The following PNPLA3 variants were observed in gnomAD, a reference collection of about 807,000 sequenced individuals.
The protein encoded by PNPLA3 is patatin like domain 3, 1-acylglycerol-3-phosphate O-acyltransferase, also known as 1-acylglycerol-3-phosphate O-acyltransferase PNPLA3.
A neutral mutation model predicts 43.1 loss-of-function variants in PNPLA3; 42 were observed. The ratio of observed to expected loss-of-function variants is 0.97; its 90% CI spans 0.76 to 1.26. PNPLA3 has a LOEUF of 1.26. Ranked by LOEUF, PNPLA3 falls within the 50% of genes most tolerant of loss-of-function variation. The pLI is 0.00. For missense variants in PNPLA3, 647 were observed against 621.4 expected, an observed-to-expected ratio of 1.04 and a Z score of -0.44; for synonymous variants, 272 against 253.6, an observed-to-expected ratio of 1.07 and a Z score of -0.69.
chr22:43,935,885 G>T (rs929332462), intron 5 of PNPLA3, among the ~76,000 whole-genome samples: 3 of 152,164 alleles, frequency 2.0e-5, no homozygotes, highest in Non-Finnish European at 4.4e-5. Context: ...CCCCCTGGAT[G>T]CGGGACAGGA....
At chr22:43,934,265 C>T (rs1458899536) in intron 4 of PNPLA3, among the ~76,000 whole-genome samples, 6 of 149,852 alleles carry the variant, frequency 4.0e-5, no homozygotes, top group Non-Finnish European at 7.4e-5. Flanking sequence ...GGCCGTTAGC[C>T]GAGATCACGC....
Position 43,927,030 on chromosome 22 carries a change from C to A in PNPLA3, c.283C>A (p.Arg95=). 1 of 1,614,214 alleles carries A rather than the reference C, an allele frequency of 6.2e-7. No individual in the cohort carries two copies. The highest frequency in any genetic ancestry group is 8.5e-7 in the Non-Finnish European group (1 of 1,180,040). The change falls in exon 2 of 9, where the codon CGA becomes AGA. Residue 95 remains arginine (R), a synonymous_variant. Coordinates refer to ENST00000216180, the MANE Select transcript of PNPLA3 (RefSeq NM_025225.3). ...HPSFNLSKFL[R]QGLCKCLPAN... is the part of the protein sequence containing the mutation. ...ATCCTTCAACTTAAGCAAGTTCCTC[C>A]GACAGGGTCTCTGCAAATGCCTCCC...
At chr22:43,936,150 G>A (rs1021251435) in intron 5 of PNPLA3, among the ~76,000 whole-genome samples, 4 of 152,166 alleles carry the variant, frequency 2.6e-5, no homozygotes, top group African/African-American at 9.7e-5. Flanking sequence ...GAGCCGGTAT[G>A]GCAGGAAGAG....
intron 7 of PNPLA3, among the ~76,000 whole-genome samples, chr22:43,942,680 T>C (rs189530213): frequency 6.6e-6 from 1 of 151,068 alleles, no homozygotes; most frequent in African/African-American, 2.4e-5. Flanking sequence ...CTGTTATTCC[T>C]TCCCTTCCAT....
At chr22:43,944,643 T>C in intron 7 of PNPLA3, 48 bp from the exon 8 acceptor site, 3 of 1,476,074 alleles carry the variant, frequency 2.0e-6, no homozygotes, top group Middle Eastern at 1.7e-4. Flanking sequence ...TTGTAAGCTG[T>C]TGTGTCTGCC....
Position 43,923,899 on chromosome 22 carries a change from C to A in PNPLA3, c.-13C>A. 1.4e-6 allele frequency: 2 copies of A among 1,478,252 alleles called. No homozygotes were observed. The highest frequency in any genetic ancestry group is 1.8e-6 in the Non-Finnish European group (2 of 1,118,954). The allele number at this position is 1,478,252 out of a possible 1,614,324, so 91.6% of individuals were successfully genotyped here. A position where few individuals can be genotyped will look rare whatever the true frequency, so the allele number is the denominator to read the frequency against. Reference sequence around the variant, plus strand: ...CAGATCCTAACCCGCGCCCCCGCCCCGCCGCCGCCGCCATGTACGACGCAG... The same window carrying A: ...CAGATCCTAACCCGCGCCCCCGCCCAGCCGCCGCCGCCATGTACGACGCAG... On this transcript the variant is annotated 5_prime_UTR_variant, in exon 1 of 9. Transcript: ENST00000216180.
At position 43,923,947 on chromosome 22, in the gene PNPLA3, C is replaced by T. The variant is rs1406322562; in HGVS notation, c.36C>T (p.Phe12=). 2 of 1,581,080 alleles carry T rather than the reference C, an allele frequency of 1.3e-6. No individual in the cohort carries two copies. Among genetic ancestry groups the T allele is most frequent in the Non-Finnish European group, 8.5e-7 (1 of 1,172,136 alleles). The change falls in exon 1 of 9, where the codon TTC becomes TTT. Residue 12 remains phenylalanine (F), a synonymous_variant. Coordinates refer to ENST00000216180, the MANE Select transcript of PNPLA3 (RefSeq NM_025225.3). ...CAGAGCGCGGCTGGAGCTTGTCCTTCGCGGGCTGCGGCTTCCTGGGCTTCT... is the reference window on the plus strand; with the variant it reads ...CAGAGCGCGGCTGGAGCTTGTCCTTTGCGGGCTGCGGCTTCCTGGGCTTCT... The part of the protein sequence containing the change: ...YDAERGWSLS[F]AGCGFLGFYH...
intron 7 of PNPLA3, among the ~76,000 whole-genome samples, chr22:43,941,309 T>TTTCCTCTGACTGGGC (rs2050029530): frequency 7.4e-6 from 1 of 135,218 alleles, no homozygotes; most frequent in Non-Finnish European, 1.6e-5. Context: ...TCTGATTGGG[T>TTTCCTCTGACTGGGC]TTCCTCTGAT....
chr22:43,935,648 G>A (rs1171688167), intron 5 of PNPLA3, among the ~76,000 whole-genome samples: 1 of 151,910 alleles, frequency 6.6e-6, no homozygotes, highest in African/African-American at 2.4e-5. Flanking sequence ...TGGCATGAAG[G>A]CCTGTGCAAC....
intron 6 of PNPLA3, among the ~76,000 whole-genome samples, chr22:43,938,065 C>T (rs2401512): frequency 6.6e-6 from 1 of 151,996 alleles, no homozygotes; most frequent in Non-Finnish European, 1.5e-5. Flanking sequence ...TATGAAGAAG[C>T]AGGCCCTCAC....
At chr22:43,924,211 G>C (rs111617448) in intron 1 of PNPLA3, 113 bp downstream of exon 1, 1 of 1,230,070 alleles carries the variant, frequency 8.1e-7, no homozygotes, top group East Asian at 3.2e-5. Flanking sequence ...ATCGGACGCG[G>C]ACACGGCGGG....
At chr22:43,927,220 T>C in intron 2 of PNPLA3, 53 bp downstream of exon 2, 1 of 1,533,818 alleles carries the variant, frequency 6.5e-7, no homozygotes, top group Non-Finnish European at 9.0e-7. Flanking sequence ...TGTTTTGGGA[T>C]GGGTGTGGTG....
At position 43,946,341 on chromosome 22, in the gene PNPLA3, C is replaced by T; in HGVS notation, c.1405C>T (p.Leu469Phe). The change falls in exon 9 of 9, where the codon CTC becomes TTC. Residue 469 changes from leucine (L) to phenylalanine (F), a missense_variant. Coordinates refer to ENST00000216180, the MANE Select transcript of PNPLA3 (RefSeq NM_025225.3). ...GNKVPAGAEG[L>F]STFPSFSLEK... ...TAAAGTACCTGCTGGTGCTGAGGGG[C>T]TCTCCACCTTTCCCAGTTTTTCACT... is the stretch of plus-strand genomic sequence containing the variant. 1 of 1,614,220 alleles carries T rather than the reference C, an allele frequency of 6.2e-7. No homozygotes were observed.
chr22:43,932,769 C>A, intron 3 of PNPLA3, 109 bp from the exon 4 acceptor site: 1 of 926,866 alleles, frequency 1.1e-6, no homozygotes, highest in Non-Finnish European at 1.7e-6. Flanking sequence ...TCCATATCAG[C>A]CTGTTTGTGG....
At chr22:43,945,141 G>A (rs1490567048) in intron 8 of PNPLA3, among the ~76,000 whole-genome samples, 1 of 152,196 alleles carries the variant, frequency 6.6e-6, no homozygotes, top group South Asian at 2.1e-4. Context: ...GTCAGATAGC[G>A]CTGGCGTGTC....
Position 43,940,083 on chromosome 22 carries a change from C to A in PNPLA3, c.1070C>A (p.Pro357His), listed in dbSNP as rs765749635. The part of the protein sequence containing the change: ...PIRIMSYVML[P>H]CTLPVESAIA... ...AGGATAATGTCTTATGTAATGCTGC[C>A]CTGTACCCTGCCTGTGGAATCTGCC... The change falls in exon 7 of 9, where the codon CCC becomes CAC. Residue 357 changes from proline to histidine, a missense_variant. Pro to His is a moderately conservative substitution (Grantham distance 77). Coordinates refer to ENST00000216180, the MANE Select transcript of PNPLA3 (RefSeq NM_025225.3). The A allele has an allele frequency of 2.5e-6, 4 of 1,614,106 alleles. No homozygotes were observed. The East Asian group carries it at 8.9e-5, about 36-fold the overall frequency.
intron 7 of PNPLA3, among the ~76,000 whole-genome samples, chr22:43,942,764 C>T (rs2050039755): frequency 7.0e-6 from 1 of 142,990 alleles, no homozygotes; most frequent in Non-Finnish European, 1.5e-5. Flanking sequence ...ATGCAGTGAC[C>T]TGATCATGGT....
chr22:43,926,927 G>C lies in PNPLA3; in HGVS notation c.188-8G>C. On this transcript the variant is annotated splice_polypyrimidine_tract_variant and splice_region_variant and intron_variant, in intron 1 of 8. Transcript: ENST00000216180. ...ACATTCTTTCATGTATTTGTCTCCT[G>C]TCCCCAGAGCAGACTCTGCAGGTCC... 1.9e-6 allele frequency: 3 copies of C among 1,612,596 alleles called. No homozygotes were observed. The highest frequency in any genetic ancestry group is 2.5e-6 in the Non-Finnish European group (3 of 1,178,662).
At chr22:43,926,188 G>A (rs1331464076) in intron 1 of PNPLA3, among the ~76,000 whole-genome samples, 1 of 152,212 alleles carries the variant, frequency 6.6e-6, no homozygotes, top group African/African-American at 2.4e-5. Flanking sequence ...TGCCAGCCAC[G>A]TGCAATTCCA....
Sources: allele counts gnomAD v4.1 joint callset (sites outside exome capture counted in the v4.1 genomes callset), GRCh38; gene constraint gnomAD v4.1.1; transcripts MANE v1.5; gene names NCBI Gene and HGNC (gene_info 2026-07-23, HGNC 2026-07-21).